The following DEFB125 variants were observed in gnomAD, a reference collection of about 807,000 sequenced individuals.
The protein encoded by DEFB125 is beta-defensin 125.
A neutral mutation model predicts 11.8 loss-of-function variants in DEFB125; 11 were observed. The observed-to-expected ratio is 0.94, with a 90% CI of 0.59 to 1.55. The LOEUF (loss-of-function observed/expected upper bound fraction) is 1.55, where lower values mean the gene tolerates loss of function less well. DEFB125 is among the 40% of genes most tolerant of loss of function. The pLI, the probability that DEFB125 is intolerant of heterozygous loss-of-function variation, is 0.00. For missense variants in DEFB125, 198 were observed against 191.2 expected, an observed-to-expected ratio of 1.04 and a Z score of -0.21; for synonymous variants, 79 against 66.7, an observed-to-expected ratio of 1.18 and a Z score of -0.90.
chr20:95,947 A>G, intron 1 of DEFB125, 58 bp from the exon 2 acceptor site: 1 of 1,482,946 alleles, frequency 6.7e-7, no homozygotes, highest in Non-Finnish European at 9.0e-7. Flanking sequence ...TGAATGAATG[A>G]AAAGTTGTTA....
intron 1 of DEFB125, 71 bp downstream of exon 1, chr20:87,838 G>A: frequency 6.6e-7 from 1 of 1,515,732 alleles, no homozygotes; most frequent in South Asian, 1.1e-5. Context: ...CTGGTATCAT[G>A]ATGGGAAGAG....
In DEFB125 at chr20:95,957, A is replaced by G. The variant is rs1217693003; in HGVS notation, c.59-48A>G. The G allele has an allele frequency of 2.0e-6, 3 of 1,502,714 alleles. No homozygotes were observed. In the African/African-American group the frequency reaches 4.2e-5, roughly 21 times the overall value. 93.1% of individuals were successfully genotyped at this position (1,502,714 alleles called of 1,614,324 possible). ...ATTTTTGAATGAATGAAAAGTTGTTATGTTGATGCCAGAGTTAAAAATTTG... is the reference window on the plus strand; with the variant it reads ...ATTTTTGAATGAATGAAAAGTTGTTGTGTTGATGCCAGAGTTAAAAATTTG... On this transcript the variant is annotated intron_variant, in intron 1 of 1. Transcript: ENST00000382410.
intron 1 of DEFB125, 100 bp from the exon 2 acceptor site, chr20:95,898 GACATCAT>G: frequency 9.7e-7 from 1 of 1,031,236 alleles, no homozygotes; most frequent in South Asian, 1.9e-5. Flanking sequence ...TTTTGTATTT[GACATCAT>G]ATTAGTCTAG....
At position 87,782 on chromosome 20, in the gene DEFB125, T is replaced by C. The variant is rs776289168; in HGVS notation, c.58+15T>C. On this transcript the variant is annotated intron_variant, in intron 1 of 1. Transcript: ENST00000382410. Reference sequence around the variant, plus strand: ...GGTGACCAAAGGTAATGGAACCCTATAAAGCAGAGATGATGACTAGGATGA... The same window carrying C: ...GGTGACCAAAGGTAATGGAACCCTACAAAGCAGAGATGATGACTAGGATGA... The C allele has an allele frequency of 2.5e-6, 4 of 1,612,332 alleles. No individual in the cohort carries two copies. The highest frequency in any genetic ancestry group is 2.7e-5 in the African/African-American group (2 of 74,868).
In DEFB125 at chr20:96,616, G is replaced by C. The variant is rs2054516925; in HGVS notation, c.*199G>C. On this transcript the variant is annotated 3_prime_UTR_variant, in exon 2 of 2. Transcript: ENST00000382410. ...AGAAATGTGTAGACAGAAATGTATAGAAGATACAAGGATTCTCTTAATTGG... is the reference window on the plus strand; with the variant it reads ...AGAAATGTGTAGACAGAAATGTATACAAGATACAAGGATTCTCTTAATTGG... The C allele has an allele frequency of 3.4e-6, 2 of 583,350 alleles. No homozygotes were observed. Among genetic ancestry groups the C allele is most frequent in the Non-Finnish European group, 5.8e-6 (2 of 345,388 alleles). 36.1% of individuals were successfully genotyped at this position (583,350 alleles called of 1,614,324 possible).
intron 1 of DEFB125, among the ~76,000 whole-genome samples, chr20:88,453 G>A (rs6039403): frequency 0.4 from 60,099 of 151,906 alleles, 12,271 homozygotes; most frequent in African/African-American, 0.48. Flanking sequence ...AGCAATCGAT[G>A]GATTTATAGG....
rs754005070 is a variant in DEFB125 at position 96,142 on chromosome 20, C to T, written c.196C>T (p.Arg66Ter). ...TTCTATAATATCACATGAATATACT[C>T]GACGACCAGCATTTCCTGTGATTCA... ...CISIISHEYT[R>*]RPAFPVIHLE... Residue 66 changes from arginine to a stop codon, truncating the protein, a stop_gained, in exon 2 of 2, where the codon CGA becomes TGA. Transcript: ENST00000382410. LOFTEE classifies it high-confidence loss of function. 22 of 1,614,020 alleles carry T rather than the reference C, an allele frequency of 1.4e-5. No individual in the cohort carries two copies. The highest frequency in any genetic ancestry group is 1.7e-5 in the Non-Finnish European group (20 of 1,180,030).
Position 96,480 on chromosome 20 carries a change from G to A in DEFB125, c.*63G>A, listed in dbSNP as rs1360290455. The stretch of plus-strand genomic sequence containing the variant: ...TGCTGGAAATAATATCCAAAGAGCT[G>A]ATTCTACCAATCCAATTTCACCAGG... On this transcript the variant is annotated 3_prime_UTR_variant, in exon 2 of 2. Transcript: ENST00000382410. The A allele has an allele frequency of 2.6e-6, 4 of 1,519,368 alleles. No homozygotes were observed. The highest frequency in any genetic ancestry group is 3.5e-6 in the Non-Finnish European group (4 of 1,137,474). The allele number at this position is 1,519,368 out of a possible 1,614,324, so 94.1% of individuals were successfully genotyped here.
chr20:95,330 C>T (rs1455842270), intron 1 of DEFB125, among the ~76,000 whole-genome samples: 1 of 152,052 alleles, frequency 6.6e-6, no homozygotes, highest in Non-Finnish European at 1.5e-5. Context: ...TTATTCCAAC[C>T]CACCATGGTT....
rs1416650455 is a variant in DEFB125, at chr20:96,109, T to C, written c.163T>C (p.Cys55Arg). 3.1e-6 allele frequency: 5 copies of C among 1,614,078 alleles called. No individual in the cohort carries two copies. The highest frequency in any genetic ancestry group is 4.2e-6 in the Non-Finnish European group (5 of 1,180,042). Residue 55 changes from cysteine (C) to arginine (R), a missense_variant, in exon 2 of 2, where the codon TGC becomes CGC. By Grantham distance (180) the Cys-to-Arg change is radical. Coordinates refer to ENST00000382410, the MANE Select transcript of DEFB125 (RefSeq NM_153325.4). ...ACTTCTTTGTAGGAACAAGCTATCA[T>C]GCTGCATTTCTATAATATCACATGA... ...YILLCRNKLS[C>R]CISIISHEYT...
At chr20:90,000 G>C (rs1191835973) in intron 1 of DEFB125, among the ~76,000 whole-genome samples, 1 of 152,124 alleles carries the variant, frequency 6.6e-6, no homozygotes, top group Non-Finnish European at 1.5e-5. Flanking sequence ...CTGATGGCTT[G>C]TGAAGCAACT....
At chr20:87,885 C>A in intron 1 of DEFB125, 118 bp downstream of exon 1, 1 of 1,054,180 alleles carries the variant, frequency 9.5e-7, no homozygotes, top group Non-Finnish European at 1.5e-6. Flanking sequence ...CAACAAAGAG[C>A]AGCAGAATGC....
At chr20:93,781 C>A (rs928861480) in intron 1 of DEFB125, among the ~76,000 whole-genome samples, 3 of 152,206 alleles carry the variant, frequency 2.0e-5, no homozygotes, top group Non-Finnish European at 2.9e-5. Context: ...CTGTACAGGG[C>A]AATCCAGAAA....
In DEFB125 at chr20:96,651, C is replaced by G; in HGVS notation, c.*234C>G. ...GGATTCTCTTAATTGGACTTAAATTCTTTATCTGTCTTCCTCCGATGTACT... is the reference window on the plus strand; with the variant it reads ...GGATTCTCTTAATTGGACTTAAATTGTTTATCTGTCTTCCTCCGATGTACT... On this transcript the variant is annotated 3_prime_UTR_variant, in exon 2 of 2. Transcript: ENST00000382410. 2 of 480,858 alleles carry G rather than the reference C, an allele frequency of 4.2e-6. No individual in the cohort carries two copies. The highest frequency in any genetic ancestry group is 9.4e-5 in the South Asian group (2 of 21,302). 29.8% of individuals were successfully genotyped at this position (480,858 alleles called of 1,614,324 possible).
chr20:87,874 C>T, intron 1 of DEFB125, 107 bp downstream of exon 1: 2 of 1,213,600 alleles, frequency 1.6e-6, no homozygotes, highest in Admixed American at 1.7e-5. Context: ...AAAATCTGGG[C>T]CAACAAAGAG....
At position 89,063 on chromosome 20, in the gene DEFB125, G is replaced by C. The variant is rs191070428; in HGVS notation, c.58+1296G>C. On this transcript the variant is annotated intron_variant, in intron 1 of 1. Coordinates refer to ENST00000382410, the MANE Select transcript of DEFB125 (RefSeq NM_153325.4). ...ATGTGAAAATGATGTCCTGATGTTT[G>C]AATTCATGACACTTTAGTTATAAAT... Among the ~76,000 whole-genome samples, 109 of 152,166 alleles carry C rather than the reference G, an allele frequency of 7.2e-4. 1 individual carries two copies. The highest frequency in any genetic ancestry group is 2.1e-4 in the Non-Finnish European group (14 of 67,998).
chr20:95,088 C>G (rs80207627), intron 1 of DEFB125, among the ~76,000 whole-genome samples: 1,942 of 152,220 alleles, frequency 0.013, 36 homozygotes, highest in South Asian at 0.065. Flanking sequence ...TTCTACATTT[C>G]TCCACTGATT....
intron 1 of DEFB125, among the ~76,000 whole-genome samples, chr20:94,759 C>T (rs887963111): frequency 6.6e-6 from 1 of 152,198 alleles, no homozygotes; most frequent in African/African-American, 2.4e-5. Context: ...CTCTCTCTAT[C>T]CTCCTTTCCC....
chr20:87,898 T>C, intron 1 of DEFB125, 131 bp downstream of exon 1: 1 of 942,532 alleles, frequency 1.1e-6, no homozygotes, highest in Non-Finnish European at 1.7e-6. Flanking sequence ...CAGAATGCTC[T>C]TATTTTGGCA....
Sources: gnomAD v4.1 joint callset for allele counts (sites outside exome capture counted in the v4.1 genomes callset) on GRCh38, gnomAD v4.1.1 for gene constraint, MANE v1.5 for transcripts, NCBI Gene and HGNC (gene_info 2026-07-23, HGNC 2026-07-21) for gene names.